ADGRA1: variants seen among roughly 807,000 people sequenced by gnomAD.
ADGRA1 encodes the protein G-protein coupled receptor 123.
ADGRA1 carries 12 observed loss-of-function variants against 21.3 expected under a neutral mutation model. The ratio of observed to expected loss-of-function variants is 0.56; its 90% CI spans 0.36 to 0.91. The LOEUF (loss-of-function observed/expected upper bound fraction) is 0.91. ADGRA1 is among the 40% of genes least tolerant of loss of function. ADGRA1 has a pLI of 0.01. For synonymous variants in ADGRA1, 385 were observed against 368.8 expected (o/e 1.04, Z -0.50); for missense variants, 790 against 805.6 (o/e 0.98, Z 0.23).
intron 5 of ADGRA1, among the ~76,000 whole-genome samples, chr10:133,123,278 T>C (rs975696535): frequency 2.0e-5 from 3 of 152,214 alleles, no homozygotes; most frequent in Admixed American, 2.0e-4. Context: ...TGCAGGTCTC[T>C]TCCGCTCTCT....
intron 5 of ADGRA1, among the ~76,000 whole-genome samples, chr10:133,124,499 T>G (rs1370215044): frequency 6.6e-6 from 1 of 151,948 alleles, no homozygotes; most frequent in Non-Finnish European, 1.5e-5. Flanking sequence ...TCCCAGCGAG[T>G]GGCCCTGGCG....
At chr10:133,113,871 AG>A (rs929692932) in intron 5 of ADGRA1, among the ~76,000 whole-genome samples, 21 of 152,344 alleles carry the variant, frequency 1.4e-4, no homozygotes, top group Admixed American at 9.8e-4. Context: ...CTCGGACGTC[AG>A]GCCAGGAAGG....
intron 2 of ADGRA1, among the ~76,000 whole-genome samples, chr10:133,094,300 TG>T (rs1343793941): frequency 6.6e-6 from 1 of 152,266 alleles, no homozygotes; most frequent in African/African-American, 2.4e-5. Flanking sequence ...AAGGGGTTTG[TG>T]TTTGTGACTA....
intron 2 of ADGRA1, among the ~76,000 whole-genome samples, chr10:133,089,331 T>C (rs1335058026): frequency 6.6e-6 from 1 of 152,088 alleles, no homozygotes; most frequent in African/African-American, 2.4e-5. Context: ...AGAAAGTTGA[T>C]GAAAGGCAGT....
At position 133,088,841 on chromosome 10, in the gene ADGRA1, G is replaced by A. The variant is rs1449355058; in HGVS notation, c.-69G>A. The A allele has an allele frequency of 7.3e-6, 9 of 1,236,288 alleles. No individual in the cohort carries two copies. The highest frequency in any genetic ancestry group is 9.1e-6 in the Non-Finnish European group (9 of 988,014). The allele number at this position is 1,236,288 out of a possible 1,614,324, so 76.6% of individuals were successfully genotyped here. On this transcript the variant is annotated 5_prime_UTR_variant, in exon 2 of 7. Transcript: ENST00000392607. ...CATGGAGGCTGGCGGGGAGCAGGGC[G>A]CCACCTGATCGCCTCCCCCTGGACG...
chr10:133,114,657 AT>A (rs141976055), intron 5 of ADGRA1, among the ~76,000 whole-genome samples: 32,616 of 152,078 alleles, frequency 0.21, 4,054 homozygotes, highest in East Asian at 0.57. Flanking sequence ...GCAAATGGAC[AT>A]AAATAGCTCT....
At chr10:133,100,891 C>T (rs1055420948) in intron 4 of ADGRA1, among the ~76,000 whole-genome samples, 9 of 152,194 alleles carry the variant, frequency 5.9e-5, no homozygotes, top group East Asian at 1.9e-4. Context: ...CTGCCGGACG[C>T]GTGACGCCAG....
intron 5 of ADGRA1, among the ~76,000 whole-genome samples, chr10:133,119,039 CA>C (rs1175523786): frequency 1.3e-5 from 2 of 148,510 alleles, no homozygotes; most frequent in Non-Finnish European, 3.0e-5. Context: ...ACTCACACCA[CA>C]CACATACACT....
intron 5 of ADGRA1, among the ~76,000 whole-genome samples, chr10:133,121,274 G>C (rs1852248414): frequency 6.6e-6 from 1 of 152,216 alleles, no homozygotes; most frequent in Admixed American, 6.5e-5. Context: ...TCAACCCGGG[G>C]TTCCCACAGC....
At chr10:133,121,491 G>A (rs1591186049) in intron 5 of ADGRA1, among the ~76,000 whole-genome samples, 1 of 150,022 alleles carries the variant, frequency 6.7e-6, no homozygotes, top group Non-Finnish European at 1.5e-5. Flanking sequence ...TGTGGTGTGT[G>A]CCAGTGTGCG....
At chr10:133,092,023 G>A (rs1851603779) in intron 2 of ADGRA1, among the ~76,000 whole-genome samples, 1 of 152,210 alleles carries the variant, frequency 6.6e-6, no homozygotes, top group South Asian at 2.1e-4. Flanking sequence ...CCAAAGGCAG[G>A]TTGTGGGAGA....
intron 5 of ADGRA1, among the ~76,000 whole-genome samples, chr10:133,103,567 G>A (rs1851838751): frequency 6.6e-6 from 1 of 152,216 alleles, no homozygotes; most frequent in Non-Finnish European, 1.5e-5. Context: ...GGAACCATGG[G>A]CCTGCCTAGG....
At chr10:133,127,134 G>C (rs1852390111) in intron 5 of ADGRA1, 99 bp from the exon 6 acceptor site, 1 of 695,098 alleles carries the variant, frequency 1.4e-6, no homozygotes, top group South Asian at 2.5e-5. Flanking sequence ...GCCCGCACCC[G>C]CTGCTCTCCC....
chr10:133,099,613 TTAC>T (rs1851755536), intron 4 of ADGRA1, among the ~76,000 whole-genome samples: 1 of 152,146 alleles, frequency 6.6e-6, no homozygotes, highest in Admixed American at 6.5e-5. Context: ...GTGGAGACCC[TTAC>T]ATCAAAACTA....
At chr10:133,092,559 A>T (rs887433474) in intron 2 of ADGRA1, among the ~76,000 whole-genome samples, 31 of 152,192 alleles carry the variant, frequency 2.0e-4, no homozygotes, top group African/African-American at 6.3e-4. Flanking sequence ...GAACACATCC[A>T]TGAAAAGTTG....
intron 4 of ADGRA1, 40 bp downstream of exon 4, chr10:133,098,803 G>T (rs866597865): frequency 2.5e-6 from 4 of 1,584,662 alleles, no homozygotes; most frequent in Non-Finnish European, 3.4e-6. Flanking sequence ...TCCCAGAGGG[G>T]AACTGCGTGA....
rs1057216627 is a variant in ADGRA1, at chr10:133,088,034, C to A, written c.-307C>A. 1.1e-5 allele frequency: 11 copies of A among 985,010 alleles called. No homozygotes were observed. Among genetic ancestry groups the A allele is most frequent in the Non-Finnish European group, 1.1e-5 (9 of 829,836 alleles). The allele number at this position is 985,010 out of a possible 1,614,324, so 61.0% of individuals were successfully genotyped here. ...GTTGATAACTCGGTCCCAGCTCGGC[C>A]GCTGCCCTCGCGAATGGAGAGCGGG... On this transcript the variant is annotated 5_prime_UTR_variant, in exon 1 of 7. Coordinates refer to ENST00000392607, the MANE Select transcript of ADGRA1 (RefSeq NM_001083909.3).
At chr10:133,108,809 T>C (rs1185582383) in intron 5 of ADGRA1, among the ~76,000 whole-genome samples, 3 of 111,670 alleles carry the variant, frequency 2.7e-5, no homozygotes, top group Non-Finnish European at 4.2e-5. Context: ...TCCCCTCACA[T>C]CCTCCATGGT....
At chr10:133,100,806 C>T (rs570193533) in intron 4 of ADGRA1, among the ~76,000 whole-genome samples, 14 of 152,314 alleles carry the variant, frequency 9.2e-5, no homozygotes, top group Admixed American at 3.3e-4. Flanking sequence ...ACTGTGAAGC[C>T]GCGTTCCAGA....
Sources: gnomAD v4.1 joint callset for allele counts (sites outside exome capture counted in the v4.1 genomes callset) on GRCh38, gnomAD v4.1.1 for gene constraint, MANE v1.5 for transcripts, NCBI Gene and HGNC (gene_info 2026-07-23, HGNC 2026-07-21) for gene names.